The following CATSPERB variants were observed in gnomAD, a reference collection of about 807,000 sequenced individuals.
The protein encoded by CATSPERB is catsper channel auxiliary subunit beta, also known as cation channel sperm-associated auxiliary subunit beta.
CATSPERB carries 93 observed loss-of-function variants against 128.3 expected under a neutral mutation model. That is an observed-to-expected ratio of 0.72 (90% confidence interval 0.61 to 0.86). The LOEUF is 0.86. CATSPERB is among the 40% of genes least tolerant of loss of function. The pLI, the probability that CATSPERB is intolerant of heterozygous loss-of-function variation, is 0.00. For synonymous variants in CATSPERB, 381 were observed against 448.8 expected (o/e 0.85, Z 1.91); for missense variants, 1,153 against 1,329.5 (o/e 0.87, Z 2.06).
intron 4 of CATSPERB, among the ~76,000 whole-genome samples, chr14:91,721,405 A>G (rs968242350): frequency 2.0e-5 from 3 of 152,232 alleles, no homozygotes; most frequent in African/African-American, 7.2e-5. Context: ...AAAAATGGGC[A>G]TATAATTTGA....
At chr14:91,682,497 G>A (rs970443602) in intron 11 of CATSPERB, among the ~76,000 whole-genome samples, 2 of 152,114 alleles carry the variant, frequency 1.3e-5, no homozygotes, top group African/African-American at 4.8e-5. Flanking sequence ...CTATATGGCT[G>A]GGGTAGCAAA....
chr14:91,693,711 C>T (rs1335567587), intron 7 of CATSPERB, among the ~76,000 whole-genome samples: 5 of 152,200 alleles, frequency 3.3e-5, no homozygotes, highest in African/African-American at 1.2e-4. Flanking sequence ...AATCAACCCT[C>T]TTAAGGTATT....
intron 26 of CATSPERB, among the ~76,000 whole-genome samples, chr14:91,584,271 G>A (rs1232628985): frequency 6.6e-6 from 1 of 151,994 alleles, no homozygotes; most frequent in African/African-American, 2.4e-5. Context: ...GTTTCACCAT[G>A]TTGGCCAGGC....
At position 91,619,927 on chromosome 14, in the gene CATSPERB, G is replaced by C. The variant is rs1048209824; in HGVS notation, c.2260+1681C>G. Reference sequence around the variant, plus strand: ...TGTGTGTGTGTTTTAATAGAGACAGGCTCTTGCTATATTGCCCAGGCTGGT... The same window carrying C: ...TGTGTGTGTGTTTTAATAGAGACAGCCTCTTGCTATATTGCCCAGGCTGGT... On this transcript the variant is annotated intron_variant, in intron 19 of 26. Transcript: ENST00000256343. Among the ~76,000 whole-genome samples the C allele has an allele frequency of 1.1e-4, 15 of 142,744 alleles. No homozygotes were observed. In the South Asian group the frequency reaches 3.0e-3, roughly 28 times the overall value. The allele number at this position is 142,744 out of a possible 152,430, so 93.6% of individuals were successfully genotyped here. A position where few individuals can be genotyped will look rare whatever the true frequency, so the allele number is the denominator to read the frequency against.
chr14:91,604,850 T>C, intron 22 of CATSPERB: 1 of 1,466,246 alleles, frequency 6.8e-7, no homozygotes, highest in Non-Finnish European at 9.6e-7. Flanking sequence ...CTTTGGCCAG[T>C]TGTTTTCCTG....
At chr14:91,697,189 C>G (rs1475413838) in intron 7 of CATSPERB, among the ~76,000 whole-genome samples, 1 of 152,056 alleles carries the variant, frequency 6.6e-6, no homozygotes, top group Non-Finnish European at 1.5e-5. Context: ...TTTTCCCCAG[C>G]AATATTCTGC....
intron 20 of CATSPERB, 98 bp downstream of exon 20, chr14:91,617,499 A>C: frequency 1.2e-6 from 1 of 815,132 alleles, no homozygotes; most frequent in Non-Finnish European, 1.9e-6. Context: ...ATTTATAAAC[A>C]GAGATGTTTA....
chr14:91,710,909 CTCA>C (rs1484493727), intron 5 of CATSPERB, among the ~76,000 whole-genome samples: 8 of 152,186 alleles, frequency 5.3e-5, no homozygotes. Flanking sequence ...CTCTAGCATC[CTCA>C]TAACCTCCAC....
intron 19 of CATSPERB, 95 bp from the exon 20 acceptor site, chr14:91,617,831 A>C (rs570647674): frequency 1.1e-6 from 1 of 873,252 alleles, no homozygotes; most frequent in Admixed American, 2.7e-5. Context: ...ACATCAACTG[A>C]ATCTATTCTG....
At chr14:91,592,159 G>A (rs972846698) in intron 22 of CATSPERB, 157 bp from the exon 23 acceptor site, 1 of 635,362 alleles carries the variant, frequency 1.6e-6, no homozygotes, top group South Asian at 1.8e-5. Context: ...AAGAATAGAA[G>A]TACAGTATTT....
At chr14:91,590,509 C>T (rs1199344629) in intron 23 of CATSPERB, among the ~76,000 whole-genome samples, 1 of 151,894 alleles carries the variant, frequency 6.6e-6, no homozygotes, top group East Asian at 1.9e-4. Context: ...CCGACCTGGG[C>T]GACAGAGCGA....
intron 26 of CATSPERB, among the ~76,000 whole-genome samples, 197 bp downstream of exon 26, chr14:91,587,005 T>C (rs1381803783): frequency 6.6e-6 from 1 of 152,170 alleles, no homozygotes; most frequent in Non-Finnish European, 1.5e-5. Flanking sequence ...GCAGCATCAA[T>C]CAGTCCTGGC....
rs1159594819 is a variant in CATSPERB at position 91,617,656 on chromosome 14, A to C, written c.2341T>G (p.Phe781Val). 1 of 1,602,672 alleles carries C rather than the reference A, an allele frequency of 6.2e-7. No homozygotes were observed. Among genetic ancestry groups the C allele is most frequent in the African/African-American group, 1.3e-5 (1 of 74,560 alleles). The part of the protein sequence containing the change: ...NLLEVTAEVT[F>V]DDTDSYVITI... ...ATTACATAACTGTCAGTATCATCAA[A>C]AGTCACTTCAGCTGTAACTTCCAAC... Residue 781 changes from phenylalanine (F) to valine (V), a missense_variant, in exon 20 of 27, where the codon TTT becomes GTT. Phe to Val is a conservative substitution (Grantham distance 50). Coordinates refer to ENST00000256343, the MANE Select transcript of CATSPERB (RefSeq NM_024764.4).
rs565166785 is a variant in CATSPERB at position 91,693,426 on chromosome 14, A to T, written c.670T>A (p.Trp224Arg). 1 of 1,614,022 alleles carries T rather than the reference A, an allele frequency of 6.2e-7. No homozygotes were observed. The highest frequency in any genetic ancestry group is 1.3e-5 in the African/African-American group (1 of 74,942). ...TAGATAGTCTGTGTCATGTTAAACC[A>T]TGTGGTATCATAATCATGCCAGAAT... The part of the protein sequence containing the change: ...GGFWHDYDTT[W>R]FNMTQTIYSQ... The change falls in exon 8 of 27, where the codon TGG (tryptophan) becomes AGG (arginine). Residue 224 changes from tryptophan to arginine, a missense_variant. Physicochemically the swap from Trp to Arg is moderately radical, Grantham distance 101 (BLOSUM62 -3). Coordinates refer to ENST00000256343, the MANE Select transcript of CATSPERB (RefSeq NM_024764.4).
chr14:91,684,211 G>A (rs1895336253), intron 10 of CATSPERB, among the ~76,000 whole-genome samples: 1 of 152,196 alleles, frequency 6.6e-6, no homozygotes, highest in South Asian at 2.1e-4. Context: ...TCTATGAACT[G>A]TCTTTCAGAA....
chr14:91,693,269 A>T, intron 8 of CATSPERB, 25 bp from the exon 9 acceptor site: 1 of 1,581,748 alleles, frequency 6.3e-7, no homozygotes. Flanking sequence ...CATACCATGG[A>T]TTAAAAAGTA....
intron 14 of CATSPERB, among the ~76,000 whole-genome samples, chr14:91,663,508 A>G (rs1276569609): frequency 6.6e-6 from 1 of 151,892 alleles, no homozygotes; most frequent in Admixed American, 6.6e-5. Context: ...AGCTGGGTGT[A>G]GTGGAGGGCG....
At chr14:91,613,507 T>C (rs1024492108) in intron 20 of CATSPERB, among the ~76,000 whole-genome samples, 1 of 152,186 alleles carries the variant, frequency 6.6e-6, no homozygotes. Context: ...TGCCAGGCAA[T>C]GTTTTAGATA....
chr14:91,607,981 T>C (rs35961974), intron 22 of CATSPERB, among the ~76,000 whole-genome samples: 24,543 of 152,052 alleles, frequency 0.16, 2,420 homozygotes, highest in Non-Finnish European at 0.24. Context: ...TGGACATCAT[T>C]CCGTTCACAG....
Sources: allele counts gnomAD v4.1 joint callset (sites outside exome capture counted in the v4.1 genomes callset), GRCh38; gene constraint gnomAD v4.1.1; transcripts MANE v1.5; gene names NCBI Gene and HGNC (gene_info 2026-07-23, HGNC 2026-07-21).